The following TGFBRAP1 variants were observed in gnomAD, a reference collection of about 807,000 sequenced individuals.
The protein encoded by TGFBRAP1 is transforming growth factor-beta receptor-associated protein 1.
Under a neutral mutation model 83.2 loss-of-function variants are expected in TGFBRAP1, and 20 were observed. That is an observed-to-expected ratio of 0.24 (90% CI 0.17 to 0.35). The LOEUF is 0.35. TGFBRAP1 is among the 10% of genes least tolerant of loss of function. The probability of loss-of-function intolerance (pLI) is 1.00; values close to 1 mark genes in which losing one functional copy is unlikely to be tolerated. For synonymous variants in TGFBRAP1, 415 were observed against 459.8 expected, an observed-to-expected ratio of 0.90 and a Z score of 1.25; for missense variants, 950 against 1,099.4, an observed-to-expected ratio of 0.86 and a Z score of 1.92.
At chr2:105,261,323 G>T (rs542839800), downstream of TGFBRAP1, among the ~76,000 whole-genome samples, 1 of 152,164 alleles carries the variant, frequency 6.6e-6, no homozygotes, top group Non-Finnish European at 1.5e-5. Context: ...TTGAGGTCAG[G>T]TTGGGGATTG....
intron 2 of TGFBRAP1, among the ~76,000 whole-genome samples, chr2:105,304,778 G>A (rs947834984): frequency 2.0e-5 from 3 of 152,208 alleles, no homozygotes; most frequent in East Asian, 1.9e-4. Context: ...GCGAGACTCC[G>A]TTCTGGGGGT....
chr2:105,328,231 C>G (rs891452672), intron 1 of TGFBRAP1, among the ~76,000 whole-genome samples: 2 of 152,188 alleles, frequency 1.3e-5, no homozygotes, highest in Non-Finnish European at 2.9e-5. Context: ...TGAACCCACA[C>G]TCCACATTCA....
rs537766060 is a variant in TGFBRAP1, at chr2:105,269,299, G to A, written c.2379C>T (p.Ser793=). The change falls in exon 11 of 12, where the codon TCC becomes TCT. Residue 793 remains serine, a synonymous_variant. Transcript: ENST00000393359. The surrounding 1 kb of genome is among the most constrained non-coding windows in gnomAD (Gnocchi z 4.1). The part of the protein sequence containing the change: ...TMQVALGLAR[S]ENLIYTYDKM... ...TATCGTAGGTGTAGATTAAGTTTTC[G>A]GACCTGGCCAGGCCGAGAGCCACCT... 28 of 1,609,968 alleles carry A rather than the reference G, an allele frequency of 1.7e-5. No homozygotes were observed. The highest frequency in any genetic ancestry group is 1.4e-4 in the South Asian group (13 of 90,708).
chr2:105,304,338 T>C (rs1678413676), intron 2 of TGFBRAP1, among the ~76,000 whole-genome samples: 2 of 152,230 alleles, frequency 1.3e-5, no homozygotes, highest in South Asian at 4.1e-4. Flanking sequence ...CTCTTTATTA[T>C]ATAAGTTTAC....
chr2:105,280,304 C>A lies in TGFBRAP1; in HGVS notation c.1463+78G>T, dbSNP rs1013917983. On this transcript the variant is annotated intron_variant, in intron 6 of 11. Coordinates refer to ENST00000393359, the MANE Select transcript of TGFBRAP1 (RefSeq NM_004257.6). ...ACATCACACTGGCTAAGTCACTTCA[C>A]GAGGATCTCCCCAGCAAAGAGCCTC... 4.1e-6 allele frequency: 6 copies of A among 1,462,814 alleles called. No individual in the cohort carries two copies. The East Asian group carries it at 1.4e-4, about 34-fold the overall frequency. 90.6% of individuals were successfully genotyped at this position (1,462,814 alleles called of 1,614,324 possible). A position where few individuals can be genotyped will look rare whatever the true frequency, so the allele number is the denominator to read the frequency against.
chr2:105,288,311 G>C (rs1331127586), intron 4 of TGFBRAP1, among the ~76,000 whole-genome samples: 14 of 152,184 alleles, frequency 9.2e-5, no homozygotes, highest in African/African-American at 3.4e-4. Context: ...CCAGTGCTGA[G>C]GACAGCACGA....
chr2:105,298,770 A>G (rs1678179702), intron 2 of TGFBRAP1, 65 bp from the exon 3 acceptor site: 1 of 1,471,466 alleles, frequency 6.8e-7, no homozygotes, highest in African/African-American at 1.4e-5. Context: ...TCCTGTAGCT[A>G]TGTCTGGATG....
chr2:105,279,053 C>T (rs955662547), intron 6 of TGFBRAP1, among the ~76,000 whole-genome samples: 1 of 151,824 alleles, frequency 6.6e-6, no homozygotes, highest in Admixed American at 6.6e-5. Context: ...AATCATAGAC[C>T]GAAAAAATCT....
the TGFBRAP1 span, among the ~76,000 whole-genome samples, chr2:105,258,730 T>TACACACACACACACACACACAC: frequency 2.1e-5 from 3 of 140,614 alleles, no homozygotes; most frequent in African/African-American, 8.2e-5. Context: ...TCCCCACCCC[T>TACACACACACACACACACACAC]ACACACACAC....
At chr2:105,319,824 T>C (rs1679002696) in intron 1 of TGFBRAP1, among the ~76,000 whole-genome samples, 1 of 150,230 alleles carries the variant, frequency 6.7e-6, no homozygotes, top group South Asian at 2.1e-4. Flanking sequence ...GTTTAATGCA[T>C]ATATACATAT....
chr2:105,301,015 G>C (rs887475688), intron 2 of TGFBRAP1, among the ~76,000 whole-genome samples: 1 of 152,184 alleles, frequency 6.6e-6, no homozygotes, highest in Middle Eastern at 3.4e-3. Flanking sequence ...CTCCAGTCCA[G>C]GAGTTCAAGA....
intron 10 of TGFBRAP1, among the ~76,000 whole-genome samples, chr2:105,270,313 C>T (rs1351980035): frequency 6.6e-6 from 1 of 152,162 alleles, no homozygotes; most frequent in Non-Finnish European, 1.5e-5. Flanking sequence ...AGGAAAATGA[C>T]ATAACCCAAA....
intron 4 of TGFBRAP1, among the ~76,000 whole-genome samples, chr2:105,293,379 C>G (rs116546000): frequency 1.3e-5 from 2 of 152,192 alleles, no homozygotes; most frequent in African/African-American, 4.8e-5. Flanking sequence ...TCTGAACAAC[C>G]CTTTTGGATC....
intron 7 of TGFBRAP1, among the ~76,000 whole-genome samples, chr2:105,277,212 T>G (rs1024877916): frequency 7.2e-5 from 11 of 152,148 alleles, no homozygotes; most frequent in African/African-American, 2.7e-4. Flanking sequence ...TTGTCACAGG[T>G]GACACAAGGA....
rs779468280 is a variant in TGFBRAP1, at chr2:105,272,899, C to T, written c.1928G>A (p.Arg643Gln). The change falls in exon 10 of 12, where the codon CGG becomes CAG. Residue 643 changes from arginine (R) to glutamine (Q), a missense_variant. Coordinates refer to ENST00000393359, the MANE Select transcript of TGFBRAP1 (RefSeq NM_004257.6). ...GTATAAATCAGATTTCTGGAGCAGC[C>T]GCCGCAGCTTGGCCTGCGTCTCGGT... ...EATETQAKLR[R>Q]LLQKSDLYRV... The T allele has an allele frequency of 8.1e-6, 13 of 1,609,748 alleles. No homozygotes were observed. Among genetic ancestry groups the T allele is most frequent in the African/African-American group, 4.0e-5 (3 of 74,786 alleles).
intron 1 of TGFBRAP1, among the ~76,000 whole-genome samples, chr2:105,309,110 C>T (rs778252481): frequency 3.9e-5 from 6 of 152,220 alleles, no homozygotes; most frequent in African/African-American, 1.4e-4. Context: ...CACACACTAG[C>T]CCGTCGCCTC....
intron 4 of TGFBRAP1, among the ~76,000 whole-genome samples, chr2:105,285,705 CAG>C (rs1309089734): frequency 6.6e-6 from 1 of 152,218 alleles, no homozygotes; most frequent in African/African-American, 2.4e-5. Flanking sequence ...TTTCACTACA[CAG>C]TAGTTTTAAA....
rs762543839 is a variant in TGFBRAP1, at chr2:105,298,551, C to T, written c.843G>A (p.Thr281=). ...GGATATGGCCCTCCTTAAAGGGCAG[C>T]GTCTGCTTCTGTTGCTGATCCAACA... ...HSMLDQQQKQ[T]LPFKEGHILQ... The change falls in exon 3 of 12, where the codon ACG becomes ACA. Residue 281 remains threonine (T), a synonymous_variant. Coordinates refer to ENST00000393359, the MANE Select transcript of TGFBRAP1 (RefSeq NM_004257.6). 11 of 1,612,320 alleles carry T rather than the reference C, an allele frequency of 6.8e-6. No homozygotes were observed. The Admixed American group carries it at 1.7e-4, about 24-fold the overall frequency.
chr2:105,316,333 T>C (rs963664187), intron 1 of TGFBRAP1, among the ~76,000 whole-genome samples: 21 of 149,732 alleles, frequency 1.4e-4, no homozygotes, highest in African/African-American at 5.2e-4. Flanking sequence ...GCAAATTATG[T>C]TTTTTACAAA....
Sources: allele counts gnomAD v4.1 joint callset (sites outside exome capture counted in the v4.1 genomes callset), GRCh38; gene constraint gnomAD v4.1.1; non-coding constraint Gnocchi (gnomAD v3.1); transcripts MANE v1.5; gene names NCBI Gene and HGNC (gene_info 2026-07-23, HGNC 2026-07-21).